ARHGEF7: variants seen among roughly 807,000 people sequenced by gnomAD.
ARHGEF7 encodes PAK-interacting exchange factor beta.
Under a neutral mutation model 109.8 loss-of-function variants are expected in ARHGEF7, and 33 were observed. That is an observed-to-expected ratio of 0.30 (90% CI 0.23 to 0.40). The LOEUF (loss-of-function observed/expected upper bound fraction) is 0.40. Ranked by LOEUF, ARHGEF7 falls within the 10% of genes least tolerant of loss-of-function variation. The pLI is 1.00. For synonymous variants in ARHGEF7, 458 were observed against 424.6 expected (o/e 1.08, Z -0.97); for missense variants, 938 against 1,098.5 (o/e 0.85, Z 2.07).
At chr13:111,218,768 G>T (rs565831192) in intron 5 of ARHGEF7, among the ~76,000 whole-genome samples, 3 of 152,280 alleles carry the variant, frequency 2.0e-5, no homozygotes, top group South Asian at 4.1e-4. Flanking sequence ...AATTGTTAAG[G>T]TTTATACTAT....
Position 111,158,963 on chromosome 13 carries a change from T to G in ARHGEF7, c.252+4972T>G, listed in dbSNP as rs142740411. On this transcript the variant is annotated intron_variant, in intron 2 of 21. Coordinates refer to ENST00000646102, the MANE Select transcript of ARHGEF7 (RefSeq NM_001354046.2). ...CTGCTGTACAATAGATCACTAAAAT[T>G]TATTCCTCCCGTCCGACTGAAATTT... is the stretch of plus-strand genomic sequence containing the variant. 775 of 715,502 alleles carry G rather than the reference T, an allele frequency of 1.1e-3. 10 individuals carry two copies. In the Middle Eastern group the frequency reaches 0.027, roughly 25 times the overall value. 44.3% of individuals were successfully genotyped at this position (715,502 alleles called of 1,614,324 possible). A position where few individuals can be genotyped will look rare whatever the true frequency, so the allele number is the denominator to read the frequency against.
At chr13:111,166,832 C>G (rs1016826563) in intron 2 of ARHGEF7, among the ~76,000 whole-genome samples, 1 of 152,106 alleles carries the variant, frequency 6.6e-6, no homozygotes, top group Non-Finnish European at 1.5e-5. Context: ...CTTCAGACTT[C>G]GGCACAAGCA....
chr13:111,244,705 G>A (rs537403108), intron 8 of ARHGEF7, among the ~76,000 whole-genome samples: 12 of 152,232 alleles, frequency 7.9e-5, no homozygotes, highest in Non-Finnish European at 1.8e-4. Flanking sequence ...CCTTCCAGAA[G>A]CAGATACAGT....
chr13:111,241,241 C>T (rs553243435), intron 6 of ARHGEF7: 37 of 1,536,186 alleles, frequency 2.4e-5, no homozygotes, highest in African/African-American at 9.6e-5. Flanking sequence ...GGGTTCCCAG[C>T]GTTGGTGGGA....
At chr13:111,129,539 TAATTTTAAAAATGGGCAA>T (rs746875839) in intron 1 of ARHGEF7, among the ~76,000 whole-genome samples, 10 of 152,220 alleles carry the variant, frequency 6.6e-5, no homozygotes, top group Non-Finnish European at 1.2e-4. Flanking sequence ...ATAAAGAGCC[TAATTTTAAAAATGGGCAA>T]ATGGTTTGAA....
intron 2 of ARHGEF7, among the ~76,000 whole-genome samples, chr13:111,164,870 T>A (rs1458544427): frequency 1.3e-5 from 2 of 152,202 alleles, no homozygotes; most frequent in Non-Finnish European, 2.9e-5. Context: ...GTTAAGATAA[T>A]TTGTTGTCTC....
intron 8 of ARHGEF7, among the ~76,000 whole-genome samples, chr13:111,251,963 C>G (rs1045933508): frequency 6.6e-6 from 1 of 152,140 alleles, no homozygotes; most frequent in Admixed American, 6.5e-5. Context: ...TTCCTTTATC[C>G]CCAAAAGGGA....
chr13:111,303,314 A>C lies in ARHGEF7; in HGVS notation c.*201A>C. Reference sequence around the variant, plus strand: ...TGATGAATCCAGACAGGAGGGATTGACTCTGAGGACCTGAGCTACATCAAT... The same window carrying C: ...TGATGAATCCAGACAGGAGGGATTGCCTCTGAGGACCTGAGCTACATCAAT... On this transcript the variant is annotated 3_prime_UTR_variant, in exon 22 of 22. Coordinates refer to ENST00000646102, the MANE Select transcript of ARHGEF7 (RefSeq NM_001354046.2). The C allele has an allele frequency of 2.2e-6, 1 of 458,654 alleles. No homozygotes were observed. The highest frequency in any genetic ancestry group is 3.8e-6 in the Non-Finnish European group (1 of 262,292). 28.4% of individuals were successfully genotyped at this position (458,654 alleles called of 1,614,324 possible).
chr13:111,153,817 G>T, intron 1 of ARHGEF7, 88 bp from the exon 2 acceptor site: 1 of 1,500,020 alleles, frequency 6.7e-7, no homozygotes, highest in Non-Finnish European at 8.8e-7. Flanking sequence ...CGCTGTGTTG[G>T]GAGCGCGGGC....
At chr13:111,118,649 T>C (rs1330384373) in intron 1 of ARHGEF7, among the ~76,000 whole-genome samples, 1 of 152,176 alleles carries the variant, frequency 6.6e-6, no homozygotes, top group East Asian at 1.9e-4. Context: ...AAATTCACTT[T>C]AAACATCCCT....
Position 111,153,573 on chromosome 13 carries a change from T to G in ARHGEF7, c.166-332T>G. 5 of 1,059,292 alleles carry G rather than the reference T, an allele frequency of 4.7e-6. 1 individual carries two copies. The South Asian group carries it at 1.4e-4, about 30-fold the overall frequency. The allele number at this position is 1,059,292 out of a possible 1,614,324, so 65.6% of individuals were successfully genotyped here. On this transcript the variant is annotated intron_variant, in intron 1 of 21. Coordinates refer to ENST00000646102, the MANE Select transcript of ARHGEF7 (RefSeq NM_001354046.2). ...CGCCGGCAAAGCAGGGTGGGCTGCG[T>G]CCGCGGGGGCGAACACCCGACGCTA...
intron 6 of ARHGEF7, among the ~76,000 whole-genome samples, chr13:111,236,357 T>G (rs1412551684): frequency 6.6e-6 from 1 of 152,240 alleles, no homozygotes; most frequent in Non-Finnish European, 1.5e-5. Context: ...GCTTCTTTTT[T>G]TCTTGTGTGC....
rs111910040 is a variant in ARHGEF7 at position 111,204,644 on chromosome 13, T to C, written c.253-645T>C. On this transcript the variant is annotated intron_variant, in intron 2 of 21. Transcript: ENST00000646102. Reference sequence around the variant, plus strand: ...GCCTGCCAGTGGCAATGTGACCAGCTCCATCGTGGTCCCAGGGCTCTAGAT... The same window carrying C: ...GCCTGCCAGTGGCAATGTGACCAGCCCCATCGTGGTCCCAGGGCTCTAGAT... 7.4e-3 allele frequency among the ~76,000 whole-genome samples: 1,125 copies of C among 152,266 alleles called. 7 individuals are homozygous for C. The highest frequency in any genetic ancestry group is 0.013 in the Non-Finnish European group (851 of 68,012).
chr13:111,293,630 T>A, intron 19 of ARHGEF7: 1 of 985,350 alleles, frequency 1.0e-6, no homozygotes, highest in Non-Finnish European at 1.2e-6. Flanking sequence ...CTCTATTTGG[T>A]GTTAAAATGG....
intron 9 of ARHGEF7, among the ~76,000 whole-genome samples, chr13:111,271,073 G>A (rs1341809127): frequency 1.3e-5 from 2 of 152,116 alleles, no homozygotes; most frequent in Admixed American, 1.3e-4. Context: ...GATGGTGTGG[G>A]CAGTGGCCTT....
At chr13:111,205,738 T>C (rs2081750788) in intron 3 of ARHGEF7, among the ~76,000 whole-genome samples, 1 of 152,182 alleles carries the variant, frequency 6.6e-6, no homozygotes, top group South Asian at 2.1e-4. Flanking sequence ...TTGTATCTAG[T>C]GGGCAGAAGT....
intron 2 of ARHGEF7, among the ~76,000 whole-genome samples, chr13:111,178,719 G>T (rs1463614913): frequency 1.3e-5 from 2 of 152,236 alleles, no homozygotes; most frequent in Non-Finnish European, 2.9e-5. Flanking sequence ...CAGGGAGGAA[G>T]CCACACTTTT....
chr13:111,289,839 A>T (rs1198770860), intron 18 of ARHGEF7, among the ~76,000 whole-genome samples: 1 of 152,064 alleles, frequency 6.6e-6, no homozygotes, highest in Non-Finnish European at 1.5e-5. Context: ...GTCGTACCAT[A>T]TCCCGTCTAT....
chr13:111,199,570 C>G (rs2153458034), intron 2 of ARHGEF7, among the ~76,000 whole-genome samples: 1 of 152,332 alleles, frequency 6.6e-6, no homozygotes, highest in East Asian at 1.9e-4. Context: ...GCCCCATCTT[C>G]CTCATGTCCA....
Sources: allele counts gnomAD v4.1 joint callset (sites outside exome capture counted in the v4.1 genomes callset), GRCh38; gene constraint gnomAD v4.1.1; transcripts MANE v1.5; gene names NCBI Gene and HGNC (gene_info 2026-07-23, HGNC 2026-07-21).